The following OSBPL10 variants were observed in gnomAD, a reference collection of about 807,000 sequenced individuals.
OSBPL10 encodes oxysterol-binding protein-related protein 10.
OSBPL10 carries 49 observed loss-of-function variants against 81.7 expected under a neutral mutation model. The ratio of observed to expected loss-of-function variants is 0.60; its 90% CI spans 0.48 to 0.76. The LOEUF (loss-of-function observed/expected upper bound fraction) is 0.76, where lower values mean the gene tolerates loss of function less well. Among genes scored for constraint, OSBPL10 ranks in the 30% least tolerant of loss-of-function variants. OSBPL10 has a pLI of 0.00. For missense variants in OSBPL10, 923 were observed against 987.8 expected, an observed-to-expected ratio of 0.93 and a Z score of 0.88; for synonymous variants, 419 against 383.6, an observed-to-expected ratio of 1.09 and a Z score of -1.08.
intron 5 of OSBPL10, among the ~76,000 whole-genome samples, chr3:31,746,315 C>G (rs1320919802): frequency 6.6e-6 from 1 of 152,140 alleles, no homozygotes; most frequent in Non-Finnish European, 1.5e-5. Context: ...TGTGCGTTGT[C>G]TGTCATCCGA....
Position 31,798,258 on chromosome 3 carries a change from C to T in OSBPL10, c.729+31782G>A, listed in dbSNP as rs563074698. Among the ~76,000 whole-genome samples, 275 of 152,032 alleles carry T rather than the reference C, an allele frequency of 1.8e-3. 1 individual carries two copies. Among genetic ancestry groups the T allele is most frequent in the Middle Eastern group, 6.8e-3 (2 of 294 alleles). ...CCAGCTGGCCAACATGATGAAACCCCGTCTCTAGTAAAAACATAAAAATTA... is the reference window on the plus strand; with the variant it reads ...CCAGCTGGCCAACATGATGAAACCCTGTCTCTAGTAAAAACATAAAAATTA... On this transcript the variant is annotated intron_variant, in intron 4 of 11. Coordinates refer to ENST00000396556, the MANE Select transcript of OSBPL10 (RefSeq NM_017784.5).
At chr3:31,893,203 T>G (rs1396946401) in intron 1 of OSBPL10, among the ~76,000 whole-genome samples, 1 of 152,064 alleles carries the variant, frequency 6.6e-6, no homozygotes, top group Non-Finnish European at 1.5e-5. Context: ...CAAAGAACCC[T>G]TACACCTCAA....
chr3:31,794,563 C>T, intron 4 of OSBPL10: 1 of 364,220 alleles, frequency 2.7e-6, no homozygotes, highest in Non-Finnish European at 5.5e-6. Flanking sequence ...ATGGAGTCTC[C>T]TTAGTGAGGT....
intron 4 of OSBPL10, among the ~76,000 whole-genome samples, chr3:31,799,070 CA>C (rs1553627069): frequency 1.3e-5 from 2 of 152,170 alleles, no homozygotes; most frequent in Non-Finnish European, 2.9e-5. Context: ...ACAGGTCCAC[CA>C]CCTGGGGATT....
upstream of OSBPL10, among the ~76,000 whole-genome samples, chr3:31,984,133 G>A (rs1178881325): frequency 6.6e-6 from 1 of 152,132 alleles, no homozygotes; most frequent in African/African-American, 2.4e-5. Flanking sequence ...TGCCTCCCGG[G>A]TTCACGTCAT....
At chr3:31,839,163 AC>A (rs1479986866) in intron 3 of OSBPL10, among the ~76,000 whole-genome samples, 2 of 152,080 alleles carry the variant, frequency 1.3e-5, no homozygotes, top group Non-Finnish European at 2.9e-5. Context: ...TTCCCTGAAA[AC>A]CTAATTTTAA....
intron 1 of OSBPL10, among the ~76,000 whole-genome samples, chr3:32,071,424 C>A (rs1478804496): frequency 6.6e-6 from 1 of 151,988 alleles, no homozygotes; most frequent in African/African-American, 2.4e-5. Context: ...AACAGCTTTA[C>A]AGACTGCTCC....
chr3:32,058,991 C>T (rs72858456), intron 1 of OSBPL10, among the ~76,000 whole-genome samples: 2,265 of 152,230 alleles, frequency 0.015, 59 homozygotes, highest in African/African-American at 0.051. Context: ...GCCTGGTTTA[C>T]GTTGATTTTA....
intron 4 of OSBPL10, among the ~76,000 whole-genome samples, chr3:31,775,393 G>A (rs1038909886): frequency 2.6e-5 from 4 of 152,058 alleles, no homozygotes; most frequent in African/African-American, 9.7e-5. Flanking sequence ...CTCTAGAGGG[G>A]TAAAAAGCTG....
chr3:31,908,427 T>G (rs1696478710), intron 1 of OSBPL10, among the ~76,000 whole-genome samples: 1 of 152,090 alleles, frequency 6.6e-6, no homozygotes, highest in African/African-American at 2.4e-5. Flanking sequence ...CATGGAAAAG[T>G]TTACCTTTTA....
At chr3:31,921,677 G>C (rs1349791214) in intron 1 of OSBPL10, among the ~76,000 whole-genome samples, 1 of 152,172 alleles carries the variant, frequency 6.6e-6, no homozygotes, top group African/African-American at 2.4e-5. Context: ...AATAAATGAT[G>C]TAAAACCATT....
At chr3:31,705,364 A>G (rs1696025910) in intron 6 of OSBPL10, among the ~76,000 whole-genome samples, 1 of 101,258 alleles carries the variant, frequency 9.9e-6, no homozygotes, top group South Asian at 3.5e-4. Context: ...CATCTGCACA[A>G]AGAGAAGACC....
At chr3:31,931,014 CAAAAAAAAA>C (rs60251266) in intron 1 of OSBPL10, among the ~76,000 whole-genome samples, 4 of 62,072 alleles carry the variant, frequency 6.4e-5, no homozygotes, top group East Asian at 9.5e-4. Context: ...GACTCGGTCT[CAAAAAAAAA>C]AAAAAAAAAA....
At chr3:32,057,845 G>A (rs750538756) in intron 1 of OSBPL10, among the ~76,000 whole-genome samples, 1 of 152,142 alleles carries the variant, frequency 6.6e-6, no homozygotes, top group Non-Finnish European at 1.5e-5. Context: ...TCAGGTGGGG[G>A]ACCAACCCAG....
At chr3:31,745,000 C>A (rs1697476697) in intron 5 of OSBPL10, among the ~76,000 whole-genome samples, 2 of 152,248 alleles carry the variant, frequency 1.3e-5, no homozygotes, top group South Asian at 4.1e-4. Flanking sequence ...GAATTTGTGC[C>A]CAGTCCTCAG....
In OSBPL10 at chr3:31,754,808, T is replaced by G. The variant is rs372242175; in HGVS notation, c.730-6688A>C. ...ACTAATATTTTTATTCACTCTCAGT[T>G]TCGGTGTCAGATAAGATCTTTTCTC... On this transcript the variant is annotated intron_variant, in intron 4 of 11. Coordinates refer to ENST00000396556, the MANE Select transcript of OSBPL10 (RefSeq NM_017784.5). Among the ~76,000 whole-genome samples the G allele has an allele frequency of 3.6e-4, 55 of 152,310 alleles. 1 individual carries two copies. In the East Asian group the frequency reaches 9.4e-3, roughly 26 times the overall value.
At chr3:32,039,327 AAAAT>A (rs916719817) in intron 2 of OSBPL10, among the ~76,000 whole-genome samples, 1 of 140,058 alleles carries the variant, frequency 7.1e-6, no homozygotes, top group Non-Finnish European at 1.6e-5. Flanking sequence ...CTCTGTTGCA[AAAAT>A]AAATAAATAA....
At chr3:32,043,585 C>T (rs1201934391) in intron 2 of OSBPL10, among the ~76,000 whole-genome samples, 2 of 152,114 alleles carry the variant, frequency 1.3e-5, no homozygotes, top group African/African-American at 4.8e-5. Context: ...ATTTATGTTC[C>T]TCTGCCATGG....
At chr3:31,965,655 A>T (rs1201796315) in intron 1 of OSBPL10, among the ~76,000 whole-genome samples, 1 of 71,862 alleles carries the variant, frequency 1.4e-5, no homozygotes, top group African/African-American at 5.5e-5. Context: ...ATTATATATT[A>T]TATATTATAT....
Sources: allele counts gnomAD v4.1 joint callset (sites outside exome capture counted in the v4.1 genomes callset), GRCh38; gene constraint gnomAD v4.1.1; transcripts MANE v1.5; gene names NCBI Gene and HGNC (gene_info 2026-07-23, HGNC 2026-07-21).